The following JAZF1 variants were observed in gnomAD, a reference collection of about 807,000 sequenced individuals.
JAZF1 encodes juxtaposed with another zinc finger protein 1.
JAZF1 carries 8 observed loss-of-function variants against 26.4 expected under a neutral mutation model. The observed-to-expected ratio is 0.30, with a 90% CI of 0.18 to 0.55. The LOEUF (loss-of-function observed/expected upper bound fraction) is 0.55, where lower values mean the gene tolerates loss of function less well. Among genes scored for constraint, JAZF1 ranks in the 20% least tolerant of loss-of-function variants. The probability of loss-of-function intolerance (pLI) is 0.94; values close to 1 mark genes in which losing one functional copy is unlikely to be tolerated. For synonymous variants in JAZF1, 126 were observed against 122.3 expected (o/e 1.03, Z -0.20); for missense variants, 199 against 322.0 (o/e 0.62, Z 2.92).
chr7:27,873,063 A>G (rs1216379027), intron 3 of JAZF1, among the ~76,000 whole-genome samples: 1 of 152,210 alleles, frequency 6.6e-6, no homozygotes, highest in East Asian at 1.9e-4. Context: ...GCGACGGGGT[A>G]GGTTTCTATC....
At chr7:28,147,167 C>G (rs1277605166) in intron 1 of JAZF1, among the ~76,000 whole-genome samples, 1 of 150,146 alleles carries the variant, frequency 6.7e-6, no homozygotes, top group Non-Finnish European at 1.5e-5. Flanking sequence ...TTTTTTTTGG[C>G]GTTTGGGATA....
At chr7:27,907,318 T>C (rs1332905032) in intron 2 of JAZF1, among the ~76,000 whole-genome samples, 1 of 152,226 alleles carries the variant, frequency 6.6e-6, no homozygotes, top group East Asian at 1.9e-4. Flanking sequence ...CAATATATGT[T>C]AGGAGACCAC....
rs544716324 is a variant in JAZF1, at chr7:27,868,229, T to C, written c.385+26991A>G. On this transcript the variant is annotated intron_variant, in intron 3 of 4. Transcript: ENST00000283928. The stretch of plus-strand genomic sequence containing the variant: ...CATCTATTGGGATGAGTCACGTTGC[T>C]TGCTCAACAACTTTAAGGCCTAGGA... Among the ~76,000 whole-genome samples the C allele has an allele frequency of 4.6e-5, 7 of 152,332 alleles. 1 individual carries two copies. The South Asian group carries it at 1.5e-3, about 32-fold the overall frequency.
At chr7:28,171,948 G>C (rs1239996990) in intron 1 of JAZF1, among the ~76,000 whole-genome samples, 1 of 152,090 alleles carries the variant, frequency 6.6e-6, no homozygotes, top group Non-Finnish European at 1.5e-5. Flanking sequence ...AAAAAAAATT[G>C]AATGTTATAA....
chr7:28,092,292 A>C (rs1784312221), intron 1 of JAZF1, among the ~76,000 whole-genome samples: 1 of 87,650 alleles, frequency 1.1e-5, no homozygotes, highest in African/African-American at 4.5e-5. Context: ...ACAAAAGGCA[A>C]AAAAAAAAAA....
chr7:28,004,913 A>G (rs1782673529), intron 1 of JAZF1, among the ~76,000 whole-genome samples: 1 of 152,194 alleles, frequency 6.6e-6, no homozygotes, highest in African/African-American at 2.4e-5. Flanking sequence ...TCAGCCTCCC[A>G]AAGTGCTGGG....
intron 1 of JAZF1, among the ~76,000 whole-genome samples, chr7:28,117,872 G>A (rs1784771279): frequency 6.6e-6 from 1 of 152,074 alleles, no homozygotes. Flanking sequence ...CTGGGAGGTC[G>A]CTAAATTATT....
intron 1 of JAZF1, among the ~76,000 whole-genome samples, chr7:28,096,668 C>T (rs1403702788): frequency 6.6e-6 from 1 of 152,102 alleles, no homozygotes; most frequent in Non-Finnish European, 1.5e-5. Flanking sequence ...CAATAAGAGA[C>T]TATTTTTTAA....
chr7:27,880,077 T>C (rs908200950), intron 3 of JAZF1, among the ~76,000 whole-genome samples: 3 of 152,232 alleles, frequency 2.0e-5, no homozygotes, highest in Admixed American at 2.0e-4. Flanking sequence ...AGTTTATATA[T>C]AGCATAATTC....
chr7:28,159,797 TAC>T (rs1783252011), intron 1 of JAZF1, among the ~76,000 whole-genome samples: 1 of 152,186 alleles, frequency 6.6e-6, no homozygotes, highest in African/African-American at 2.4e-5. Flanking sequence ...TAGCCTATTA[TAC>T]TGTAGACTGC....
chr7:27,871,790 G>T (rs1014025364), intron 3 of JAZF1, among the ~76,000 whole-genome samples: 1 of 152,182 alleles, frequency 6.6e-6, no homozygotes, highest in Non-Finnish European at 1.5e-5. Context: ...AATTAGAAGC[G>T]TGTGAAGGGT....
At chr7:27,990,856 G>A (rs957071966) in intron 2 of JAZF1, among the ~76,000 whole-genome samples, 5 of 152,204 alleles carry the variant, frequency 3.3e-5, no homozygotes, top group Non-Finnish European at 7.4e-5. Context: ...AATATTATTG[G>A]TAATGAAAAA....
intron 1 of JAZF1, among the ~76,000 whole-genome samples, chr7:28,087,521 A>C (rs1784229848): frequency 6.6e-6 from 1 of 152,200 alleles, no homozygotes; most frequent in African/African-American, 2.4e-5. Context: ...GTGCAGCATT[A>C]ATTCAGAAAA....
At chr7:27,978,129 A>G (rs941197140) in intron 2 of JAZF1, among the ~76,000 whole-genome samples, 5 of 152,242 alleles carry the variant, frequency 3.3e-5, no homozygotes, top group African/African-American at 1.2e-4. Context: ...GTTTCACATC[A>G]AAGTGTCCCT....
At chr7:28,115,958 T>A (rs1000265574) in intron 1 of JAZF1, among the ~76,000 whole-genome samples, 2 of 152,214 alleles carry the variant, frequency 1.3e-5, no homozygotes, top group African/African-American at 4.8e-5. Context: ...GGTCTTTCCA[T>A]ATCAACGTAT....
chr7:27,910,544 A>G lies in JAZF1; in HGVS notation c.189-15128T>C, dbSNP rs1026735176. ...CTCCCAGGAATGCATGCGTCCCACA[A>G]TCCTGTTTATCCTGCTGGTTTATTT... On this transcript the variant is annotated intron_variant, in intron 2 of 4. Coordinates refer to ENST00000283928, the MANE Select transcript of JAZF1 (RefSeq NM_175061.4). Among the ~76,000 whole-genome samples, 8 of 152,126 alleles carry G rather than the reference A, an allele frequency of 5.3e-5. No homozygotes were observed. The East Asian group carries it at 7.7e-4, about 15-fold the overall frequency.
intron 2 of JAZF1, among the ~76,000 whole-genome samples, chr7:27,909,780 CTTATT>C (rs1229508606): frequency 6.6e-6 from 1 of 152,140 alleles, no homozygotes; most frequent in Non-Finnish European, 1.5e-5. Context: ...ATTTTGCTAT[CTTATT>C]TAAGCTTTCT....
intron 1 of JAZF1, among the ~76,000 whole-genome samples, chr7:28,056,516 C>T (rs923675537): frequency 6.6e-6 from 1 of 151,662 alleles, no homozygotes; most frequent in Admixed American, 6.6e-5. Context: ...AATGTATTAT[C>T]TGAGTGTGAG....
intron 1 of JAZF1, among the ~76,000 whole-genome samples, chr7:27,994,462 CA>C (rs58536495): frequency 0.32 from 21,530 of 67,614 alleles, 2,069 homozygotes; most frequent in East Asian, 0.62. Context: ...AAACAAAAAA[CA>C]AAAAAAAACA....
Sources: gnomAD v4.1 joint callset for allele counts (sites outside exome capture counted in the v4.1 genomes callset) on GRCh38, gnomAD v4.1.1 for gene constraint, MANE v1.5 for transcripts, NCBI Gene and HGNC (gene_info 2026-07-23, HGNC 2026-07-21) for gene names.